PDXDC1: variants seen among roughly 807,000 people sequenced by gnomAD.
PDXDC1 encodes the protein pyridoxal dependent decarboxylase domain containing 1.
Under a neutral mutation model 100.1 loss-of-function variants are expected in PDXDC1, and 42 were observed. The observed-to-expected ratio is 0.42, with a 90% CI of 0.33 to 0.54. The LOEUF (loss-of-function observed/expected upper bound fraction) is 0.54. Among genes scored for constraint, PDXDC1 ranks in the 20% least tolerant of loss-of-function variants. The probability of loss-of-function intolerance (pLI) is 0.10; values close to 1 mark genes in which losing one functional copy is unlikely to be tolerated. For missense variants in PDXDC1, 636 were observed against 979.2 expected (o/e 0.65, Z 4.68); for synonymous variants, 260 against 371.7 (o/e 0.70, Z 3.46).
At chr16:15,051,506 C>G (rs1199739400) in intron 16 of PDXDC1, among the ~76,000 whole-genome samples, 1 of 151,218 alleles carries the variant, frequency 6.6e-6, no homozygotes, top group Non-Finnish European at 1.5e-5. Flanking sequence ...GCCGACACAC[C>G]TGGCTAGTTT....
At chr16:15,098,630 G>A (rs1475585562) in intron 16 of PDXDC1, among the ~76,000 whole-genome samples, 1 of 152,062 alleles carries the variant, frequency 6.6e-6, no homozygotes, top group Non-Finnish European at 1.5e-5. Context: ...TGTAATCCCA[G>A]CACTTTTGGA....
chr16:15,096,116 G>GT lies in PDXDC1; in HGVS notation c.1400-42753dup, dbSNP rs1020010422. 1.1e-3 allele frequency among the ~76,000 whole-genome samples: 156 copies of GT among 146,720 alleles called. 1 individual carries two copies. The highest frequency in any genetic ancestry group is 0.01 in the Middle Eastern group (3 of 288). ...CAGCAATTTGGTTTTTTTGTTTTTT[G>GT]TTTTTTTTTTGAGACAGAGTCTCGC... On this transcript the variant is annotated intron_variant, in intron 16 of 16. Transcript: ENST00000535621.
chr16:15,094,056 C>T (rs2046250195), intron 16 of PDXDC1: 1 of 1,217,790 alleles, frequency 8.2e-7, no homozygotes, highest in Non-Finnish European at 1.2e-6. Context: ...ACGCCATGAG[C>T]TTTGTCCCAC....
At chr16:15,027,234 T>G (rs1322695668) in intron 14 of PDXDC1, among the ~76,000 whole-genome samples, 1 of 152,302 alleles carries the variant, frequency 6.6e-6, no homozygotes, top group African/African-American at 2.4e-5. Context: ...CTTGTCCCCC[T>G]CGCAGGGCAT....
chr16:15,083,768 G>A (rs1177919258), intron 16 of PDXDC1: 1 of 650,506 alleles, frequency 1.5e-6, no homozygotes, highest in Non-Finnish European at 2.5e-6. Flanking sequence ...CCAGGCTGGA[G>A]TGCAGTGGCG....
chr16:14,980,619 G>A (rs560004726), intron 1 of PDXDC1, among the ~76,000 whole-genome samples: 18 of 152,360 alleles, frequency 1.2e-4, no homozygotes, highest in East Asian at 3.9e-4. Context: ...GACTACAGGC[G>A]CCCACCACCA....
At chr16:14,979,088 G>A (rs547262197) in intron 1 of PDXDC1, among the ~76,000 whole-genome samples, 27 of 152,404 alleles carry the variant, frequency 1.8e-4, no homozygotes, top group African/African-American at 5.3e-4. Flanking sequence ...CTACAGTTCC[G>A]GTTTGGTCAC....
chr16:15,078,985 G>T (rs924029449), intron 16 of PDXDC1, among the ~76,000 whole-genome samples: 1 of 151,852 alleles, frequency 6.6e-6, no homozygotes, highest in African/African-American at 2.4e-5. Flanking sequence ...CCAATTTTTT[G>T]TATTTTTAGT....
chr16:15,014,398 A>C (rs2041621397), intron 8 of PDXDC1, among the ~76,000 whole-genome samples: 1 of 152,292 alleles, frequency 6.6e-6, no homozygotes. Context: ...TGCAGATGTC[A>C]GCAGACACAT....
chr16:15,133,397 G>C (rs1236869593), intron 16 of PDXDC1: 1 of 1,086,316 alleles, frequency 9.2e-7, no homozygotes, highest in Middle Eastern at 2.9e-4. Flanking sequence ...GCTGCCGTTG[G>C]GCTCTGGGAG....
chr16:14,990,049 A>T, intron 1 of PDXDC1: 1 of 1,488,184 alleles, frequency 6.7e-7, no homozygotes, highest in Admixed American at 2.2e-5. Flanking sequence ...TGCGCGCCGG[A>T]CCCCCCAAAC....
intron 16 of PDXDC1, chr16:15,071,046 T>A: frequency 7.5e-7 from 1 of 1,331,404 alleles, no homozygotes; most frequent in East Asian, 2.4e-5. Context: ...ATGGGAGATA[T>A]TTCTGACTTG....
downstream of PDXDC1, among the ~76,000 whole-genome samples, chr16:15,039,655 C>T (rs2043718193): frequency 6.6e-6 from 1 of 152,168 alleles, no homozygotes; most frequent in Non-Finnish European, 1.5e-5. Flanking sequence ...CCCAGTTCTC[C>T]TCTCTTTGTA....
chr16:15,140,095 C>CAAAAAAAAAAAAAAA (rs372891971), downstream of PDXDC1, among the ~76,000 whole-genome samples: 1 of 43,842 alleles, frequency 2.3e-5, no homozygotes, highest in Non-Finnish European at 3.6e-5. Flanking sequence ...GACTCCATCT[C>CAAAAAAAAAAAAAAA]AAAAAAAAAA....
In PDXDC1 at chr16:15,031,858, G is replaced by A; in HGVS notation, c.1523G>A (p.Gly508Asp). 6.2e-7 allele frequency: 1 copy of A among 1,613,996 alleles called. No homozygotes were observed. The highest frequency in any genetic ancestry group is 8.5e-7 in the Non-Finnish European group (1 of 1,179,950). Reference protein sequence around the residue: ...EFKQEVEATAGLLYVDDPNWS... With the variant: ...EFKQEVEATADLLYVDDPNWS... ...AAGCAGGAAGTGGAAGCAACAGCAG[G>A]TCTCCTATATGTTGATGACCCTAAC... Residue 508 changes from glycine to aspartate, a missense_variant, in exon 17 of 23, where the codon GGT becomes GAT. Gly to Asp is a moderately conservative substitution (Grantham distance 94, BLOSUM62 -1). This residue lies in a region of PDXDC1 where 452 missense variants were observed against 402.9 expected (regional missense o/e 1.12). Coordinates refer to ENST00000396410, the MANE Select transcript of PDXDC1 (RefSeq NM_015027.4).
At chr16:15,057,393 G>A (rs2044564210) in intron 16 of PDXDC1, among the ~76,000 whole-genome samples, 2 of 152,134 alleles carry the variant, frequency 1.3e-5, no homozygotes, top group Non-Finnish European at 2.9e-5. Context: ...ACAAATGTAG[G>A]AGCTACTATC....
chr16:15,125,976 G>T, intron 16 of PDXDC1: 2 of 601,710 alleles, frequency 3.3e-6, no homozygotes, highest in Non-Finnish European at 6.0e-6. Context: ...AGCCCCTCGC[G>T]ACGTGTGCCA....
In PDXDC1 at chr16:15,130,719, T is replaced by G. The variant is rs189177513; in HGVS notation, c.1400-8160T>G. On this transcript the variant is annotated intron_variant, in intron 16 of 16. Coordinates refer to the PDXDC1 transcript ENST00000535621. ...GATCCTCCTGCTAGCCGAGCAGTTG[T>G]GCTCATTGGGCCGGGGCTCCGAGTG... 2.8e-5 allele frequency: 42 copies of G among 1,500,034 alleles called. No individual in the cohort carries two copies. In the South Asian group the frequency reaches 4.3e-4, roughly 15 times the overall value. The allele number at this position is 1,500,034 out of a possible 1,614,324, so 92.9% of individuals were successfully genotyped here.
At chr16:15,016,640 T>C (rs187271607) in intron 9 of PDXDC1, among the ~76,000 whole-genome samples, 2 of 152,418 alleles carry the variant, frequency 1.3e-5, no homozygotes. Context: ...CCTCTGATAG[T>C]TGAGGTTCTT....
Sources: allele counts gnomAD v4.1 joint callset (sites outside exome capture counted in the v4.1 genomes callset), GRCh38; gene constraint gnomAD v4.1.1; regional missense constraint gnomAD v4.1.1; transcripts MANE v1.5; gene names NCBI Gene and HGNC (gene_info 2026-07-23, HGNC 2026-07-21).